Variants in AMPH observed in about 807,000 individuals in gnomAD.
AMPH encodes amphiphysin (Stiff-Mann syndrome with breast cancer 128kD autoantigen).
AMPH carries 49 observed loss-of-function variants against 99.1 expected under a neutral mutation model. That is an observed-to-expected ratio of 0.49 (90% CI 0.39 to 0.63). The LOEUF (loss-of-function observed/expected upper bound fraction) is 0.63, where lower values mean the gene tolerates loss of function less well. Ranked by LOEUF, AMPH falls within the 20% of genes least tolerant of loss-of-function variation. AMPH has a pLI of 0.00. For missense variants in AMPH, 759 were observed against 863.4 expected, an observed-to-expected ratio of 0.88 and a Z score of 1.52; for synonymous variants, 314 against 317.3, an observed-to-expected ratio of 0.99 and a Z score of 0.11.
intron 13 of AMPH, among the ~76,000 whole-genome samples, chr7:38,431,879 T>C (rs965874173): frequency 2.0e-5 from 3 of 152,146 alleles, no homozygotes; most frequent in South Asian, 4.1e-4. Context: ...AGTGTGTGTG[T>C]CCTTCACTGC....
chr7:38,403,113 AG>A (rs1784887811), intron 17 of AMPH, among the ~76,000 whole-genome samples: 1 of 152,154 alleles, frequency 6.6e-6, no homozygotes, highest in Non-Finnish European at 1.5e-5. Flanking sequence ...CTCTTCAGAA[AG>A]GGGATCAAAG....
chr7:38,462,692 T>C (rs1787495073), intron 10 of AMPH, among the ~76,000 whole-genome samples: 1 of 152,132 alleles, frequency 6.6e-6, no homozygotes, highest in African/African-American at 2.4e-5. Context: ...AAAAGAGTTT[T>C]GTAGCAAGAG....
chr7:38,540,692 C>CAAAAAAAAAAAAAAAA lies in AMPH; in HGVS notation c.70-5697_70-5682dup. 9.1e-4 allele frequency among the ~76,000 whole-genome samples: 18 copies of CAAAAAAAAAAAAAAAA among 19,768 alleles called. 7 individuals are homozygous for CAAAAAAAAAAAAAAAA. The highest frequency in any genetic ancestry group is 6.4e-3 in the South Asian group (2 of 312). The allele number at this position is 19,768 out of a possible 152,430, so 13.0% of individuals were successfully genotyped here. On this transcript the variant is annotated intron_variant, in intron 1 of 20. Transcript: ENST00000356264. ...AGCTATGAGAAGGTGTGACCCCAAG[C>CAAAAAAAAAAAAAAAA]AAAAAAAAAAAAAAAAAAAAAAAAA...
chr7:38,434,211 T>C (rs990319394), intron 12 of AMPH, among the ~76,000 whole-genome samples: 10 of 152,188 alleles, frequency 6.6e-5, no homozygotes, highest in Non-Finnish European at 1.3e-4. Flanking sequence ...CGGTGATATA[T>C]GTCCTTCAGA....
At chr7:38,429,043 C>T (rs907754139) in intron 14 of AMPH, 2 of 1,290,340 alleles carry the variant, frequency 1.5e-6, no homozygotes, top group Non-Finnish European at 1.0e-6. Context: ...ATATCAATAG[C>T]TCCAGTGTCT....
intron 7 of AMPH, among the ~76,000 whole-genome samples, chr7:38,471,537 C>T (rs1787886348): frequency 6.6e-6 from 1 of 152,130 alleles, no homozygotes; most frequent in South Asian, 2.1e-4. Context: ...AAGTTTTCTA[C>T]ACTTGGCAGT....
chr7:38,528,083 C>G (rs1790256210), intron 2 of AMPH, among the ~76,000 whole-genome samples: 1 of 152,064 alleles, frequency 6.6e-6, no homozygotes, highest in South Asian at 2.1e-4. Flanking sequence ...CCTCGCATAT[C>G]CTGAATAAAT....
chr7:38,609,042 C>T (rs553662838), intron 1 of AMPH, among the ~76,000 whole-genome samples: 1 of 152,302 alleles, frequency 6.6e-6, no homozygotes, highest in South Asian at 2.1e-4. Context: ...GCCCAGTGGG[C>T]TCTTGGCCCC....
At chr7:38,387,404 T>C (rs1398396253) in intron 20 of AMPH, among the ~76,000 whole-genome samples, 1 of 152,172 alleles carries the variant, frequency 6.6e-6, no homozygotes, top group Non-Finnish European at 1.5e-5. Context: ...AATGAAAGAC[T>C]ATAAGTGGGA....
At chr7:38,590,832 A>G (rs1013115549) in intron 1 of AMPH, among the ~76,000 whole-genome samples, 8 of 152,214 alleles carry the variant, frequency 5.3e-5, no homozygotes, top group African/African-American at 1.9e-4. Flanking sequence ...AGGTGGCTCT[A>G]TTGAGGACAA....
At chr7:38,621,073 G>A (rs1357240783) in intron 1 of AMPH, among the ~76,000 whole-genome samples, 2 of 152,150 alleles carry the variant, frequency 1.3e-5, no homozygotes, top group Admixed American at 1.3e-4. Flanking sequence ...CAAGGAGTAA[G>A]GACAAAGTGT....
At chr7:38,530,837 A>T (rs1186356061) in intron 2 of AMPH, among the ~76,000 whole-genome samples, 3 of 152,208 alleles carry the variant, frequency 2.0e-5, no homozygotes, top group African/African-American at 7.2e-5. Context: ...ACGGGGAAGA[A>T]AGGCCCTCTG....
At chr7:38,445,655 A>G (rs1786748521) in intron 11 of AMPH, among the ~76,000 whole-genome samples, 1 of 152,250 alleles carries the variant, frequency 6.6e-6, no homozygotes, top group African/African-American at 2.4e-5. Context: ...AAAAATACTT[A>G]ACACCACTAG....
chr7:38,466,828 C>G (rs566050910), intron 7 of AMPH, among the ~76,000 whole-genome samples: 52 of 152,118 alleles, frequency 3.4e-4, no homozygotes, highest in Middle Eastern at 6.8e-3. Context: ...AAAATAAGAG[C>G]GTGTCATCAC....
At chr7:38,630,906 A>T (rs1185308790) in intron 1 of AMPH, among the ~76,000 whole-genome samples, 1 of 152,082 alleles carries the variant, frequency 6.6e-6, no homozygotes, top group African/African-American at 2.4e-5. Context: ...GCCCGGGGAG[A>T]TGCGAGCGCA....
chr7:38,622,546 C>T (rs1794109773), intron 1 of AMPH, among the ~76,000 whole-genome samples: 2 of 151,948 alleles, frequency 1.3e-5, no homozygotes, highest in South Asian at 4.2e-4. Context: ...GAATGGATAC[C>T]AGAGGTCCTC....
At chr7:38,598,090 A>C (rs1793120518) in intron 1 of AMPH, among the ~76,000 whole-genome samples, 1 of 152,216 alleles carries the variant, frequency 6.6e-6, no homozygotes, top group African/African-American at 2.4e-5. Flanking sequence ...TGATTCTTAC[A>C]TACCTTTGAC....
rs188963367 is a variant in AMPH at position 38,413,304 on chromosome 7, A to G, written c.1398+4521T>C. On this transcript the variant is annotated intron_variant, in intron 17 of 20. Coordinates refer to ENST00000356264, the MANE Select transcript of AMPH (RefSeq NM_001635.4). ...GCTGTGGGGCAGAATGAAAAAACTG[A>G]CATTGCTTTTGATCATAATAACTGG... Among the ~76,000 whole-genome samples, 17 of 152,282 alleles carry G rather than the reference A, an allele frequency of 1.1e-4. No homozygotes were observed. In the East Asian group the frequency reaches 2.9e-3, roughly 26 times the overall value.
intron 7 of AMPH, among the ~76,000 whole-genome samples, chr7:38,468,591 T>C (rs927558255): frequency 6.6e-6 from 1 of 152,246 alleles, no homozygotes; most frequent in Non-Finnish European, 1.5e-5. Context: ...CTAGCATGTA[T>C]TTAATTAGGA....
Sources: allele counts gnomAD v4.1 joint callset (sites outside exome capture counted in the v4.1 genomes callset), GRCh38; gene constraint gnomAD v4.1.1; transcripts MANE v1.5; gene names NCBI Gene and HGNC (gene_info 2026-07-23, HGNC 2026-07-21).